SDK2: variants seen among roughly 807,000 people sequenced by gnomAD.
The protein encoded by SDK2 is protein sidekick-2.
A neutral mutation model predicts 253.9 loss-of-function variants in SDK2; 105 were observed. The observed-to-expected ratio is 0.41, with a 90% CI of 0.35 to 0.49. The LOEUF (loss-of-function observed/expected upper bound fraction) is 0.49. SDK2 is among the 20% of genes least tolerant of loss of function. The pLI, the probability that SDK2 is intolerant of heterozygous loss-of-function variation, is 0.06. For synonymous variants in SDK2, 1,249 were observed against 1,234.9 expected (o/e 1.01, Z -0.24); for missense variants, 2,608 against 3,003.0 (o/e 0.87, Z 3.07).
chr17:73,394,391 C>T lies in SDK2; in HGVS notation c.3593-67G>A, dbSNP rs947700792. The T allele has an allele frequency of 4.6e-5, 50 of 1,079,452 alleles. No homozygotes were observed. The African/African-American group carries it at 5.6e-4, about 12-fold the overall frequency. 66.9% of individuals were successfully genotyped at this position (1,079,452 alleles called of 1,614,324 possible). On this transcript the variant is annotated intron_variant, in intron 25 of 44. Coordinates refer to ENST00000392650, the MANE Select transcript of SDK2 (RefSeq NM_001144952.2). ...ACGTTGACTGTGCAAGGGAAGTGGA[C>T]CAGGACAGGGGGCCGAGGGAGGGGC... is the stretch of plus-strand genomic sequence containing the variant.
chr17:73,427,814 C>T (rs554048791), intron 12 of SDK2, among the ~76,000 whole-genome samples: 27 of 152,150 alleles, frequency 1.8e-4, no homozygotes, highest in Non-Finnish European at 3.2e-4. Context: ...AAATACGACA[C>T]CCAAGGCACA....
At chr17:73,507,140 T>G (rs954325534) in intron 2 of SDK2, among the ~76,000 whole-genome samples, 3 of 152,228 alleles carry the variant, frequency 2.0e-5, no homozygotes, top group Non-Finnish European at 4.4e-5. Flanking sequence ...CAGCCACAGC[T>G]GCTGTTAGTG....
chr17:73,543,366 G>A (rs1200892349), intron 1 of SDK2, among the ~76,000 whole-genome samples: 1 of 152,166 alleles, frequency 6.6e-6, no homozygotes, highest in East Asian at 1.9e-4. Flanking sequence ...ACCAGGGCAG[G>A]TGCCATGCCG....
chr17:73,482,374 G>A (rs2145713276), intron 2 of SDK2, among the ~76,000 whole-genome samples: 1 of 152,324 alleles, frequency 6.6e-6, no homozygotes, highest in South Asian at 2.1e-4. Context: ...CTGCTCAGCC[G>A]AGGCACAACC....
intron 1 of SDK2, among the ~76,000 whole-genome samples, chr17:73,640,202 C>A (rs915315765): frequency 7.0e-6 from 1 of 143,338 alleles, no homozygotes; most frequent in African/African-American, 2.6e-5. Context: ...GTAGAGGACA[C>A]GAGGAAGAGG....
chr17:73,574,917 G>A (rs2045438024), intron 1 of SDK2, among the ~76,000 whole-genome samples: 2 of 152,246 alleles, frequency 1.3e-5, no homozygotes, highest in Admixed American at 1.3e-4. Context: ...CAGACCAAGA[G>A]TTCAAGTCTT....
At chr17:73,457,561 G>A (rs1479649317) in intron 3 of SDK2, among the ~76,000 whole-genome samples, 1 of 151,554 alleles carries the variant, frequency 6.6e-6, no homozygotes, top group Non-Finnish European at 1.5e-5. Flanking sequence ...ATGTTGGCCA[G>A]GCCGGTCTTG....
chr17:73,387,858 C>G lies in SDK2; in HGVS notation c.4372G>C (p.Ala1458Pro), dbSNP rs1345137997. 1 of 1,585,162 alleles carries G rather than the reference C, an allele frequency of 6.3e-7. No individual in the cohort carries two copies. The change falls in exon 30 of 45, where the codon GCC (alanine) becomes CCC (proline). Residue 1458 changes from alanine to proline, a missense_variant. Transcript: ENST00000392650. The stretch of plus-strand genomic sequence containing the variant: ...TACCTGTCCACAATGAAGCTGGAGG[C>G]ATTGTGGCTCACGGAGGCCGAGTGC... ...ALHSASVSHN[A>P]SSFIVDRLKP... is the part of the protein sequence containing the mutation.
intron 1 of SDK2, among the ~76,000 whole-genome samples, chr17:73,556,323 G>T (rs1381655062): frequency 7.6e-6 from 1 of 131,378 alleles, no homozygotes; most frequent in Non-Finnish European, 1.6e-5. Context: ...CGGAGTTTGG[G>T]TTTTTTTTAT....
In SDK2 at chr17:73,643,984, C is replaced by CCA; in HGVS notation, c.64+40_64+41insTG. On this transcript the variant is annotated intron_variant, in intron 1 of 44. Coordinates refer to ENST00000392650, the MANE Select transcript of SDK2 (RefSeq NM_001144952.2). This position sits in a 1 kb window ranked among gnomAD's most constrained non-coding sequence, Gnocchi z 6.9. ...CCGCCGCCCCTCCCCCGCCCACTCT[C>CCA]CCAGCCCCCTCCCTGTCCCCACGTG... 3 of 796,646 alleles carry CCA rather than the reference C, an allele frequency of 3.8e-6. No homozygotes were observed. Among genetic ancestry groups the CCA allele is most frequent in the African/African-American group, 1.8e-5 (1 of 55,732 alleles). 49.3% of individuals were successfully genotyped at this position (796,646 alleles called of 1,614,324 possible).
In SDK2 at chr17:73,534,621, A is replaced by C. The variant is rs2064199287; in HGVS notation, c.65-27024T>G. Among the ~76,000 whole-genome samples the C allele has an allele frequency of 2.0e-5, 3 of 152,162 alleles. No individual in the cohort carries two copies. Among genetic ancestry groups the C allele is most frequent in the Admixed American group, 6.5e-5 (1 of 15,278 alleles). On this transcript the variant is annotated intron_variant, in intron 1 of 44. Transcript: ENST00000392650. This position sits in a 1 kb window ranked among gnomAD's most constrained non-coding sequence, Gnocchi z 4.9. ...CAGGGAAGGCCGGTGGAGGGGAGGC[A>C]GAGGTCTTGGAGTGTTGGTGCTGGC...
chr17:73,607,847 CT>C (rs112887759), intron 1 of SDK2, among the ~76,000 whole-genome samples: 577 of 142,206 alleles, frequency 4.1e-3, no homozygotes, highest in Non-Finnish European at 3.7e-3. Context: ...CTTCTGTGTG[CT>C]TTTTTTTTTT....
intron 5 of SDK2, among the ~76,000 whole-genome samples, chr17:73,441,807 A>T (rs758536560): frequency 2.0e-5 from 3 of 152,110 alleles, no homozygotes; most frequent in Non-Finnish European, 4.4e-5. Flanking sequence ...CAGGAACCTC[A>T]TGGGTCTTTG....
intron 39 of SDK2, among the ~76,000 whole-genome samples, chr17:73,359,031 C>T (rs1367737170): frequency 2.6e-5 from 4 of 152,038 alleles, no homozygotes; most frequent in South Asian, 2.1e-4. Context: ...TGGGGGTGCC[C>T]GTCCAGAATC....
chr17:73,432,577 C>G (rs962898402), intron 10 of SDK2, among the ~76,000 whole-genome samples: 1 of 151,958 alleles, frequency 6.6e-6, no homozygotes, highest in Non-Finnish European at 1.5e-5. Flanking sequence ...TGGACAAAAC[C>G]GACACCCCTG....
In SDK2 at chr17:73,456,016, G is replaced by A. The variant is rs537536589; in HGVS notation, c.369C>T (p.Ser123=). 1.0e-5 allele frequency: 16 copies of A among 1,537,924 alleles called. No homozygotes were observed. The highest frequency in any genetic ancestry group is 4.0e-5 in the Admixed American group (2 of 50,082). ...GSFEEGEKHQ[S]VSHGEAAVIR... is the part of the protein sequence containing the mutation. ...TGACAGCTGCTTCTCCGTGGGAGAC[G>A]CTCTGGTGCTTCTCACCTTCCTCAA... The change falls in exon 4 of 45, where the codon AGC becomes AGT. Residue 123 remains serine (S), a synonymous_variant. Transcript: ENST00000392650.
At chr17:73,380,450 C>T (rs1250852151) in intron 34 of SDK2, among the ~76,000 whole-genome samples, 1 of 152,146 alleles carries the variant, frequency 6.6e-6, no homozygotes, top group African/African-American at 2.4e-5. Context: ...GGGAGGACGA[C>T]GGACGCAGGT....
At chr17:73,513,905 G>C (rs2064001286) in intron 1 of SDK2, 2 of 152,208 alleles carry the variant, frequency 1.3e-5, no homozygotes, top group Admixed American at 1.3e-4. Flanking sequence ...CAATTTGCTT[G>C]TATTGGCACA....
Position 73,435,725 on chromosome 17 carries a change from GC to G in SDK2, c.1001-82del. On this transcript the variant is annotated intron_variant, in intron 8 of 44. Transcript: ENST00000392650. This position sits in a 1 kb window ranked among gnomAD's most constrained non-coding sequence, Gnocchi z 5.7. ...GGAGGGGTGCTTGGGAGGAGGCCGG[GC>G]CCGGAAATCTGCGAGGGGGTCCCTG... The G allele has an allele frequency of 7.5e-7, 1 of 1,338,176 alleles. No individual in the cohort carries two copies. The highest frequency in any genetic ancestry group is 1.0e-6 in the Non-Finnish European group (1 of 997,852). 82.9% of individuals were successfully genotyped at this position (1,338,176 alleles called of 1,614,324 possible). A position where few individuals can be genotyped will look rare whatever the true frequency, so the allele number is the denominator to read the frequency against.
Sources: gnomAD v4.1 joint callset for allele counts (sites outside exome capture counted in the v4.1 genomes callset) on GRCh38, gnomAD v4.1.1 for gene constraint, Gnocchi (gnomAD v3.1) non-coding constraint, MANE v1.5 for transcripts, NCBI Gene and HGNC (gene_info 2026-07-23, HGNC 2026-07-21) for gene names.